Variants in ZNF821 observed in about 807,000 individuals in gnomAD.
ZNF821 encodes zinc finger protein 821.
Under a neutral mutation model 44.3 loss-of-function variants are expected in ZNF821, and 16 were observed. The observed-to-expected ratio is 0.36, with a 90% CI of 0.24 to 0.55. ZNF821 has a LOEUF of 0.55. Among genes scored for constraint, ZNF821 ranks in the 20% least tolerant of loss-of-function variants. The probability of loss-of-function intolerance (pLI) is 0.86; values close to 1 mark genes in which losing one functional copy is unlikely to be tolerated. For missense variants in ZNF821, 436 were observed against 547.6 expected (o/e 0.80, Z 2.03); for synonymous variants, 204 against 197.6 (o/e 1.03, Z -0.27).
At chr16:71,886,945 T>C (rs1035200185), upstream of ZNF821, among the ~76,000 whole-genome samples, 1 of 152,264 alleles carries the variant, frequency 6.6e-6, no homozygotes, top group Non-Finnish European at 1.5e-5. Context: ...TGTCTGGCTT[T>C]TGTCACTTAA....
chr16:71,861,709 C>T (rs2033916882), intron 7 of ZNF821, 67 bp downstream of exon 7: 8 of 1,590,678 alleles, frequency 5.0e-6, no homozygotes, highest in Middle Eastern at 2.2e-4. Flanking sequence ...TTCGCTTTGA[C>T]TTCAGAAAGC....
intron 3 of ZNF821, among the ~76,000 whole-genome samples, chr16:71,877,761 A>T (rs529393949): frequency 5.9e-5 from 9 of 151,598 alleles, no homozygotes; most frequent in African/African-American, 2.2e-4. Context: ...TCTACAAAAA[A>T]TACAAATATT....
chr16:71,862,892 G>A (rs2034072749), intron 6 of ZNF821, among the ~76,000 whole-genome samples: 1 of 151,908 alleles, frequency 6.6e-6, no homozygotes, highest in Admixed American at 6.6e-5. Flanking sequence ...TACCATTTGT[G>A]TTAACTAATT....
chr16:71,881,406 T>C (rs574988816), intron 2 of ZNF821: 2 of 152,278 alleles, frequency 1.3e-5, no homozygotes, highest in African/African-American at 4.8e-5. Context: ...CTAGCATATC[T>C]GCATATCAAA....
At chr16:71,871,581 A>T (rs1157227082) in intron 3 of ZNF821, among the ~76,000 whole-genome samples, 3 of 152,240 alleles carry the variant, frequency 2.0e-5, no homozygotes, top group African/African-American at 7.2e-5. Flanking sequence ...GAAGTGTTAC[A>T]GAACTGCCTA....
chr16:71,878,857 G>A (rs1462314443), intron 3 of ZNF821, among the ~76,000 whole-genome samples: 1 of 151,826 alleles, frequency 6.6e-6, no homozygotes, highest in Non-Finnish European at 1.5e-5. Context: ...CTTGAAGCCA[G>A]GAGGCCGATG....
chr16:71,893,221 GT>G (rs1303333692), intron 1 of ZNF821, among the ~76,000 whole-genome samples: 1 of 149,836 alleles, frequency 6.7e-6, no homozygotes, highest in Non-Finnish European at 1.5e-5. Flanking sequence ...TAGAGACGGG[GT>G]TTCACCGTGT....
At chr16:71,865,165 G>T (rs993208228) in intron 4 of ZNF821, 117 bp from the exon 5 acceptor site, 7 of 1,314,144 alleles carry the variant, frequency 5.3e-6, no homozygotes, top group Non-Finnish European at 7.4e-6. Context: ...CCATAATATA[G>T]TTTATATAGT....
In ZNF821 at chr16:71,860,479, G is replaced by C. The variant is rs747293158; in HGVS notation, c.778C>G (p.Leu260Val). 4.3e-6 allele frequency: 7 copies of C among 1,614,130 alleles called. No individual in the cohort carries two copies. Among genetic ancestry groups the C allele is most frequent in the South Asian group, 1.1e-5 (1 of 91,082 alleles). The change falls in exon 8 of 8, where the codon CTA becomes GTA. Residue 260 changes from leucine (L) to valine (V), a missense_variant. Around this residue, in one of 5 missense-constraint regions of ZNF821, gnomAD observed 68 missense variants for 57.0 expected, o/e 1.19. Coordinates refer to ENST00000425432, the MANE Select transcript of ZNF821 (RefSeq NM_001201552.2). The surrounding 1 kb of genome is among the most constrained non-coding windows in gnomAD (Gnocchi z 7.3). ...TCCAAAGGCTCATTCTGTCGACGTA[G>C]AGCCCACTTGCGTACACTGGGAGTC... Reference protein sequence around the residue: ...AQTPSVRKWALRRQNEPLEVR... With the variant: ...AQTPSVRKWAVRRQNEPLEVR...
intron 4 of ZNF821, among the ~76,000 whole-genome samples, chr16:71,866,612 G>A (rs2034574154): frequency 1.3e-5 from 2 of 152,064 alleles, no homozygotes; most frequent in African/African-American, 4.8e-5. Flanking sequence ...CTCGCTACTA[G>A]AAAAATTTTT....
intron 1 of ZNF821, among the ~76,000 whole-genome samples, chr16:71,892,363 T>A (rs2036891536): frequency 6.7e-6 from 1 of 148,796 alleles, no homozygotes; most frequent in African/African-American, 2.5e-5. Context: ...GCCTCCCGGG[T>A]TCACACCATT....
At chr16:71,875,918 C>A (rs1597182161) in intron 3 of ZNF821, among the ~76,000 whole-genome samples, 1 of 152,166 alleles carries the variant, frequency 6.6e-6, no homozygotes, top group Non-Finnish European at 1.5e-5. Context: ...TTTTCAACTC[C>A]ATTAATAGCT....
chr16:71,880,800 A>G (rs1349384872), intron 2 of ZNF821, among the ~76,000 whole-genome samples: 2 of 152,198 alleles, frequency 1.3e-5, no homozygotes, highest in African/African-American at 4.8e-5. Flanking sequence ...GCTCTTCTCA[A>G]TCTAGCCTCT....
chr16:71,878,112 TC>T (rs1250058000), intron 3 of ZNF821, among the ~76,000 whole-genome samples: 196 of 102,530 alleles, frequency 1.9e-3, no homozygotes, highest in Non-Finnish European at 3.0e-3. Flanking sequence ...GAACTATTTG[TC>T]TTTTTTTTTT....
At chr16:71,867,127 T>G (rs1273990772) in intron 4 of ZNF821, among the ~76,000 whole-genome samples, 1 of 152,218 alleles carries the variant, frequency 6.6e-6, no homozygotes, top group African/African-American at 2.4e-5. Context: ...GACGTTAGCA[T>G]TTTATACACT....
intron 5 of ZNF821, 84 bp downstream of exon 5, chr16:71,864,819 C>A: frequency 1.3e-6 from 2 of 1,561,070 alleles, no homozygotes; most frequent in Admixed American, 1.7e-5. Flanking sequence ...AGAGGCAAGA[C>A]TGTGCCACAG....
chr16:71,864,733 C>T (rs1015999782), intron 5 of ZNF821, 170 bp downstream of exon 5: 16 of 750,010 alleles, frequency 2.1e-5, no homozygotes, highest in African/African-American at 1.9e-4. Context: ...CTGAGTGTGG[C>T]GAGAACTGAG....
intron 1 of ZNF821, among the ~76,000 whole-genome samples, chr16:71,890,091 A>G (rs1028908622): frequency 1.3e-5 from 2 of 152,220 alleles, no homozygotes; most frequent in African/African-American, 4.8e-5. Flanking sequence ...AGATAAGTTA[A>G]TATTTGTATA....
At chr16:71,879,827 C>T in intron 3 of ZNF821, 80 bp downstream of exon 3, 1 of 1,327,560 alleles carries the variant, frequency 7.5e-7, no homozygotes, top group African/African-American at 1.5e-5. Flanking sequence ...TTAGCGTGAG[C>T]TTCTCCCCTA....
Sources: gnomAD v4.1 joint callset for allele counts (sites outside exome capture counted in the v4.1 genomes callset) on GRCh38, gnomAD v4.1.1 for gene constraint, gnomAD v4.1.1 regional missense constraint, Gnocchi (gnomAD v3.1) non-coding constraint, MANE v1.5 for transcripts, NCBI Gene and HGNC (gene_info 2026-07-23, HGNC 2026-07-21) for gene names.